The following BRDT variants were observed in gnomAD, a reference collection of about 807,000 sequenced individuals.
The protein encoded by BRDT is bromodomain testis-specific protein.
A neutral mutation model predicts 113.9 loss-of-function variants in BRDT; 77 were observed. That is an observed-to-expected ratio of 0.68 (90% confidence interval 0.56 to 0.82). BRDT has a LOEUF of 0.82. Ranked by LOEUF, BRDT falls within the 40% of genes least tolerant of loss-of-function variation. BRDT has a pLI of 0.00. For missense variants in BRDT, 1,027 were observed against 1,105.4 expected (o/e 0.93, Z 1.01); for synonymous variants, 358 against 366.5 (o/e 0.98, Z 0.26).
At chr1:91,953,800 GTCT>G (rs1417089880) in intron 1 of BRDT, among the ~76,000 whole-genome samples, 1 of 152,130 alleles carries the variant, frequency 6.6e-6, no homozygotes, top group African/African-American at 2.4e-5. Context: ...TTGTGTGATT[GTCT>G]TCAACAAAGT....
At chr1:91,986,501 A>G (rs1354518183) in intron 12 of BRDT, among the ~76,000 whole-genome samples, 2 of 152,222 alleles carry the variant, frequency 1.3e-5, no homozygotes, top group Non-Finnish European at 2.9e-5. Context: ...CTAAATGGTC[A>G]TGACATCAGT....
At chr1:91,995,853 G>C (rs918242451) in intron 15 of BRDT, among the ~76,000 whole-genome samples, 4 of 151,946 alleles carry the variant, frequency 2.6e-5, no homozygotes, top group Admixed American at 6.6e-5. Context: ...GGTCAGGCTG[G>C]TCTCGAACTC....
intron 1 of BRDT, among the ~76,000 whole-genome samples, chr1:91,957,920 A>G (rs1244216889): frequency 6.6e-6 from 1 of 151,970 alleles, no homozygotes; most frequent in Admixed American, 6.6e-5. Context: ...TTGGCTCACA[A>G]CCTTCACCTC....
intron 4 of BRDT, among the ~76,000 whole-genome samples, chr1:91,976,013 TCTTGGTTTAAGCCAGGCAC>T (rs1334484235): frequency 3.9e-5 from 6 of 152,220 alleles, no homozygotes; most frequent in Non-Finnish European, 7.3e-5. Flanking sequence ...CGATTATTAG[TCTTGGTTTAAGCCAGGCAC>T]CTTTTTGAAT....
chr1:91,951,139 A>G (rs1467240085), intron 1 of BRDT, among the ~76,000 whole-genome samples: 4 of 152,150 alleles, frequency 2.6e-5, no homozygotes, highest in Admixed American at 1.3e-4. Context: ...GCCTAAGCCT[A>G]CTGGCTAGCT....
chr1:91,955,121 G>A (rs1681599439), intron 1 of BRDT, among the ~76,000 whole-genome samples: 1 of 152,058 alleles, frequency 6.6e-6, no homozygotes, highest in African/African-American at 2.4e-5. Context: ...TAACCAGCAT[G>A]TTTACTTCTG....
rs1307902617 is a variant in BRDT, at chr1:91,949,539, G to C, written c.-181G>C. 6.6e-6 allele frequency: 1 copy of C among 152,234 alleles called. No individual in the cohort carries two copies. The highest frequency in any genetic ancestry group is 6.5e-5 in the Admixed American group (1 of 15,276). 9.4% of individuals were successfully genotyped at this position (152,234 alleles called of 1,614,324 possible). Reference sequence around the variant, plus strand: ...ATACAGGTAATGTACCCTCCACAGGGGGTGCTGCCTTAGGCCGGCCCCGAG... The same window carrying C: ...ATACAGGTAATGTACCCTCCACAGGCGGTGCTGCCTTAGGCCGGCCCCGAG... On this transcript the variant is annotated 5_prime_UTR_variant, in exon 1 of 19. Transcript: ENST00000399546.
chr1:91,977,705 T>TG (rs1684289881), intron 6 of BRDT, among the ~76,000 whole-genome samples: 1 of 121,618 alleles, frequency 8.2e-6, no homozygotes, highest in Non-Finnish European at 1.7e-5. Context: ...TCGTCTCTAC[T>TG]AAAAAAAAAA....
intron 15 of BRDT, among the ~76,000 whole-genome samples, chr1:91,996,410 G>C (rs147096256): frequency 2.2e-4 from 34 of 152,018 alleles, no homozygotes; most frequent in Non-Finnish European, 4.0e-4. Context: ...CACCATATGC[G>C]GCTAATTTTT....
intron 4 of BRDT, among the ~76,000 whole-genome samples, chr1:91,968,911 A>ATTATTTATTTATTTAT (rs141543100): frequency 8.1e-5 from 12 of 147,802 alleles, no homozygotes; most frequent in African/African-American, 3.0e-4. Flanking sequence ...TATCAGGAAA[A>ATTATTTATTTATTTAT]TTATTTATTT....
intron 4 of BRDT, among the ~76,000 whole-genome samples, chr1:91,972,842 A>G (rs1246655154): frequency 6.6e-6 from 1 of 152,238 alleles, no homozygotes; most frequent in East Asian, 1.9e-4. Flanking sequence ...ATTGAGGAAT[A>G]TCAGCCCTAT....
intron 4 of BRDT, among the ~76,000 whole-genome samples, chr1:91,969,072 G>A (rs1476775072): frequency 6.6e-6 from 1 of 151,908 alleles, no homozygotes; most frequent in Non-Finnish European, 1.5e-5. Flanking sequence ...GAGTAGCTGG[G>A]ACTACAGGCG....
intron 2 of BRDT, among the ~76,000 whole-genome samples, chr1:91,963,304 A>C (rs946131858): frequency 6.6e-5 from 10 of 152,170 alleles, no homozygotes; most frequent in Non-Finnish European, 1.2e-4. Flanking sequence ...ACAAGAGTAA[A>C]ACTCCATCTC....
At chr1:91,958,023 A>G (rs1681985620) in intron 1 of BRDT, among the ~76,000 whole-genome samples, 1 of 152,066 alleles carries the variant, frequency 6.6e-6, no homozygotes, top group Admixed American at 6.6e-5. Context: ...TATTTTTATC[A>G]GAGACAGGGA....
intron 15 of BRDT, among the ~76,000 whole-genome samples, chr1:92,000,292 C>A (rs1364983828): frequency 1.3e-5 from 2 of 152,200 alleles, no homozygotes; most frequent in Non-Finnish European, 2.9e-5. Flanking sequence ...ACCATACATA[C>A]TTTTTCTCCT....
intron 1 of BRDT, among the ~76,000 whole-genome samples, chr1:91,960,572 A>G (rs1682336911): frequency 6.6e-6 from 1 of 152,208 alleles, no homozygotes. Flanking sequence ...GTTAATGCAC[A>G]TAGAGTTTCT....
At chr1:91,970,966 CAAAGA>C (rs1392204364) in intron 4 of BRDT, among the ~76,000 whole-genome samples, 6 of 147,370 alleles carry the variant, frequency 4.1e-5, no homozygotes, top group African/African-American at 1.3e-4. Context: ...GGGTAATTTA[CAAAGA>C]AAAGAGGTTT....
chr1:92,002,197 T>A (rs747333891), intron 16 of BRDT, 48 bp downstream of exon 16: 34 of 1,397,916 alleles, frequency 2.4e-5, no homozygotes, highest in Non-Finnish European at 1.0e-6. Context: ...GATTTGAAAT[T>A]GGGTTTGGAA....
chr1:91,989,052 C>T (rs902614493), intron 12 of BRDT, among the ~76,000 whole-genome samples: 2 of 152,108 alleles, frequency 1.3e-5, no homozygotes, highest in Non-Finnish European at 2.9e-5. Context: ...CCTGCCTCGG[C>T]CTCCCAAAGT....
Sources: gnomAD v4.1 joint callset for allele counts (sites outside exome capture counted in the v4.1 genomes callset) on GRCh38, gnomAD v4.1.1 for gene constraint, MANE v1.5 for transcripts, NCBI Gene and HGNC (gene_info 2026-07-23, HGNC 2026-07-21) for gene names.